Variants in C10orf71 observed in about 807,000 individuals in gnomAD.
C10orf71 encodes the protein cardiac-enriched FHL2-interacting protein.
For synonymous variants in C10orf71, 758 were observed against 726.3 expected, an observed-to-expected ratio of 1.04 and a Z score of -0.70; for missense variants, 1,869 against 1,804.5, an observed-to-expected ratio of 1.04 and a Z score of -0.65.
rs1050853036 is a variant in C10orf71, at chr10:49,324,831, A to C, written c.2286A>C (p.Ala762=). ...QREDRRKDVS[A]GDSQKDEKEN... ...AAGACAGGAGGAAGGATGTGAGTGC[A>C]GGTGACAGTCAGAAGGATGAGAAGG... The change falls in exon 3 of 3, where the codon GCA becomes GCC. Residue 762 remains alanine, a synonymous_variant. Coordinates refer to ENST00000374144, the MANE Select transcript of C10orf71 (RefSeq NM_001135196.2). 5.2e-6 allele frequency: 8 copies of C among 1,551,906 alleles called. No individual in the cohort carries two copies. The highest frequency in any genetic ancestry group is 7.0e-6 in the Non-Finnish European group (8 of 1,147,076).
intron 1 of C10orf71, among the ~76,000 whole-genome samples, chr10:49,309,049 A>G (rs1848865915): frequency 2.0e-5 from 3 of 152,236 alleles, no homozygotes; most frequent in Admixed American, 2.0e-4. Flanking sequence ...GGAGCCTATC[A>G]TGCCAAGTGT....
intron 1 of C10orf71, among the ~76,000 whole-genome samples, chr10:49,313,802 G>C (rs1222024540): frequency 6.6e-6 from 1 of 152,226 alleles, no homozygotes; most frequent in Non-Finnish European, 1.5e-5. Context: ...CATGTGGGTT[G>C]GAAGGGCTGT....
chr10:49,320,137 AT>A (rs1340830550), intron 2 of C10orf71, among the ~76,000 whole-genome samples: 1 of 152,202 alleles, frequency 6.6e-6, no homozygotes, highest in African/African-American at 2.4e-5. Context: ...TATTATGTGT[AT>A]TTTGCCACTT....
chr10:49,325,037 A>G lies in C10orf71; in HGVS notation c.2492A>G (p.Lys831Arg). Residue 831 changes from lysine to arginine, a missense_variant, in exon 3 of 3, where the codon AAG becomes AGG. Transcript: ENST00000374144. ...NFRGSWIGEN[K>R]GTTFSQAKDL... ...AGAGGCTCTTGGATTGGGGAAAATA[A>G]GGGCACAACCTTTTCACAGGCCAAA... 6.4e-7 allele frequency: 1 copy of G among 1,551,792 alleles called. No individual in the cohort carries two copies. The highest frequency in any genetic ancestry group is 8.7e-7 in the Non-Finnish European group (1 of 1,147,022).
rs532551861 is a variant in C10orf71 at position 49,326,744 on chromosome 10, G to T, written c.4199G>T (p.Arg1400Leu). 1 of 1,550,982 alleles carries T rather than the reference G, an allele frequency of 6.4e-7. No individual in the cohort carries two copies. Among genetic ancestry groups the T allele is most frequent in the East Asian group, 2.4e-5 (1 of 40,870 alleles). The change falls in exon 3 of 3, where the codon CGC becomes CTC. Residue 1400 changes from arginine (R) to leucine (L), a missense_variant. Arg to Leu is a moderately radical substitution (Grantham distance 102, BLOSUM62 -2). Transcript: ENST00000374144. Reference sequence around the variant, plus strand: ...TGCACCCCGCACTCTGCAGGCCAGCGCCCTCATGGTCCTCCCCAGAGCCCA... The same window carrying T: ...TGCACCCCGCACTCTGCAGGCCAGCTCCCTCATGGTCCTCCCCAGAGCCCA... ...GDCTPHSAGQRPHGPPQSPGE... is the reference protein window; with the variant it reads ...GDCTPHSAGQLPHGPPQSPGE...
intron 1 of C10orf71, among the ~76,000 whole-genome samples, chr10:49,312,198 C>T (rs1308948375): frequency 6.6e-6 from 1 of 152,192 alleles, no homozygotes; most frequent in Non-Finnish European, 1.5e-5. Flanking sequence ...AGGGCACTAC[C>T]AGTTCACCCA....
rs61848578 is a variant in C10orf71, at chr10:49,307,848, A to G, written c.-247-8297A>G. Among the ~76,000 whole-genome samples the G allele has an allele frequency of 4.2e-3, 644 of 152,044 alleles. 3 individuals are homozygous for G. Among genetic ancestry groups the G allele is most frequent in the Middle Eastern group, 0.01 (3 of 294 alleles). ...TCCTCCTCTCTTCTTTTCTCCTGTG[A>G]CTTCTCATTTCTCCTGCCATAAGGG... On this transcript the variant is annotated intron_variant, in intron 1 of 2. Transcript: ENST00000374144.
chr10:49,308,496 G>A (rs1025260918), intron 1 of C10orf71, among the ~76,000 whole-genome samples: 9 of 152,350 alleles, frequency 5.9e-5, no homozygotes, highest in East Asian at 1.9e-4. Flanking sequence ...TATCAGGCTA[G>A]TGGAGCCAAA....
In C10orf71 at chr10:49,325,719, C is replaced by A. The variant is rs766484687; in HGVS notation, c.3174C>A (p.Asn1058Lys). 15 of 1,551,502 alleles carry A rather than the reference C, an allele frequency of 9.7e-6. No homozygotes were observed. Among genetic ancestry groups the A allele is most frequent in the Non-Finnish European group, 1.3e-5 (15 of 1,146,932 alleles). ...LVPSERANSP[N>K]PGSPGESSAC... is the part of the protein sequence containing the mutation. ...CCAGTGAGAGGGCGAATTCCCCCAA[C>A]CCCGGCTCCCCCGGGGAGAGCAGTG... Residue 1058 changes from asparagine to lysine, a missense_variant, in exon 3 of 3, where the codon AAC becomes AAA. Physicochemically the swap from Asn to Lys is moderately conservative, Grantham distance 94 (BLOSUM62 0). Coordinates refer to ENST00000374144, the MANE Select transcript of C10orf71 (RefSeq NM_001135196.2).
Position 49,324,014 on chromosome 10 carries a change from A to G in C10orf71, c.1469A>G (p.Asp490Gly). 1 of 1,613,650 alleles carries G rather than the reference A, an allele frequency of 6.2e-7. No individual in the cohort carries two copies. The highest frequency in any genetic ancestry group is 8.5e-7 in the Non-Finnish European group (1 of 1,179,728). Reference sequence around the variant, plus strand: ...GAGCCCAGTGAATGTCAGTCTCGAGACAGCTACAAGTCCAAAGCCCCTAGC... The same window carrying G: ...GAGCCCAGTGAATGTCAGTCTCGAGGCAGCTACAAGTCCAAAGCCCCTAGC... ...EKEPSECQSR[D>G]SYKSKAPSLL... The change falls in exon 3 of 3, where the codon GAC (aspartate) becomes GGC (glycine). Residue 490 changes from aspartate to glycine, a missense_variant. Asp to Gly is a moderately conservative substitution (Grantham distance 94). Transcript: ENST00000374144.
rs756194648 is a variant in C10orf71 at position 49,323,343 on chromosome 10, A to C, written c.798A>C (p.Lys266Asn). ...TCACGGGTGAGCCTGGGAGAGGCAAAGGTACCTTTCTGCACAGTGAAAATA... is the reference window on the plus strand; with the variant it reads ...TCACGGGTGAGCCTGGGAGAGGCAACGGTACCTTTCTGCACAGTGAAAATA... ...KPVTGEPGRG[K>N]GTFLHSENSA... Residue 266 changes from lysine to asparagine, a missense_variant, in exon 3 of 3, where the codon AAA becomes AAC. Physicochemically the swap from Lys to Asn is moderately conservative, Grantham distance 94. Coordinates refer to ENST00000374144, the MANE Select transcript of C10orf71 (RefSeq NM_001135196.2). 1.4e-5 allele frequency: 22 copies of C among 1,613,804 alleles called. No individual in the cohort carries two copies. Among genetic ancestry groups the C allele is most frequent in the Admixed American group, 1.7e-5 (1 of 59,980 alleles).
chr10:49,297,922 C>T (rs1278522361), upstream of C10orf71, among the ~76,000 whole-genome samples: 2 of 152,220 alleles, frequency 1.3e-5, no homozygotes, highest in Non-Finnish European at 2.9e-5. Flanking sequence ...ATCCCCACAG[C>T]GAGGTTCTGA....
chr10:49,309,864 T>C (rs908143163), intron 1 of C10orf71, among the ~76,000 whole-genome samples: 3 of 152,218 alleles, frequency 2.0e-5, no homozygotes, highest in African/African-American at 7.2e-5. Context: ...AATTCCAATT[T>C]GTTAGAGCCT....
rs1849108393 is a variant in C10orf71, at chr10:49,322,397, T to C, written c.-144-5T>C. The C allele has an allele frequency of 1.1e-6, 1 of 921,818 alleles. No individual in the cohort carries two copies. Among genetic ancestry groups the C allele is most frequent in the Middle Eastern group, 3.5e-4 (1 of 2,852 alleles). 57.1% of individuals were successfully genotyped at this position (921,818 alleles called of 1,614,324 possible). On this transcript the variant is annotated splice_region_variant and splice_polypyrimidine_tract_variant and intron_variant, in intron 2 of 2. Transcript: ENST00000374144. ...GTTCACGCCCTGCACCTTTTTCTTTTGCAGAGAAAAAAAAAAATCCCCACT... is the reference window on the plus strand; with the variant it reads ...GTTCACGCCCTGCACCTTTTTCTTTCGCAGAGAAAAAAAAAAATCCCCACT...
chr10:49,302,361 C>T (rs10776558), intron 1 of C10orf71, among the ~76,000 whole-genome samples: 59,992 of 152,082 alleles, frequency 0.39, 12,454 homozygotes, highest in Non-Finnish European at 0.47. Flanking sequence ...GCAGATCAGC[C>T]GAAGACTGCA....
At chr10:49,303,555 CAG>C (rs1249053306) in intron 1 of C10orf71, among the ~76,000 whole-genome samples, 1 of 152,192 alleles carries the variant, frequency 6.6e-6, no homozygotes, top group Non-Finnish European at 1.5e-5. Flanking sequence ...ACTGTTAAGC[CAG>C]CCCCGAGGGC....
chr10:49,305,813 A>C (rs912335857), intron 1 of C10orf71, among the ~76,000 whole-genome samples: 4 of 152,284 alleles, frequency 2.6e-5, no homozygotes, highest in Admixed American at 2.6e-4. Context: ...GGGATGCCTA[A>C]AATTTCTGGT....
Position 49,322,663 on chromosome 10 carries a change from T to C in C10orf71, c.118T>C (p.Leu40=). Residue 40 remains leucine, a synonymous_variant, in exon 3 of 3, where the codon TTG becomes CTG. Coordinates refer to ENST00000374144, the MANE Select transcript of C10orf71 (RefSeq NM_001135196.2). ...CCTAACAGACCGGGCATTCCGGAGT[T>C]TGTGCATCTCCGAGGACACATCCTT... is the stretch of plus-strand genomic sequence containing the variant. ...SSLTDRAFRS[L]CISEDTSFHD... 1.2e-6 allele frequency: 2 copies of C among 1,613,816 alleles called. No homozygotes were observed. The highest frequency in any genetic ancestry group is 1.1e-5 in the South Asian group (1 of 91,036).
chr10:49,301,420 C>T (rs1401945806), intron 1 of C10orf71, among the ~76,000 whole-genome samples: 2 of 152,088 alleles, frequency 1.3e-5, no homozygotes, highest in African/African-American at 4.8e-5. Context: ...ACTTGGTTTC[C>T]AAGGGTTGCA....
Sources: gnomAD v4.1 joint callset for allele counts (sites outside exome capture counted in the v4.1 genomes callset) on GRCh38, gnomAD v4.1.1 for gene constraint, MANE v1.5 for transcripts, NCBI Gene and HGNC (gene_info 2026-07-23, HGNC 2026-07-21) for gene names.